The following ZNF584 variants were observed in gnomAD, a reference collection of about 807,000 sequenced individuals.
ZNF584 encodes the protein zinc finger protein 584.
In ZNF584, 12 loss-of-function variants were observed where a neutral mutation model predicts 14.7. The observed-to-expected ratio is 0.82, with a 90% CI of 0.52 to 1.32. The LOEUF is 1.32. Ranked by LOEUF, ZNF584 falls within the 40% of genes most tolerant of loss-of-function variation. ZNF584 has a pLI of 0.00. For synonymous variants in ZNF584, 204 were observed against 190.9 expected, an observed-to-expected ratio of 1.07 and a Z score of -0.57; for missense variants, 478 against 518.8, an observed-to-expected ratio of 0.92 and a Z score of 0.76.
chr19:58,408,344 T>C (rs1457321398), upstream of ZNF584: 1 of 152,178 alleles, frequency 6.6e-6, no homozygotes, highest in East Asian at 1.9e-4. Flanking sequence ...TCAGCAACAT[T>C]CACTGCGGCT....
Position 58,409,112 on chromosome 19 carries a change from G to T in ZNF584, c.-36G>T. 2 of 1,472,110 alleles carry T rather than the reference G, an allele frequency of 1.4e-6. No individual in the cohort carries two copies. Among genetic ancestry groups the T allele is most frequent in the Non-Finnish European group, 9.1e-7 (1 of 1,103,220 alleles). The allele number at this position is 1,472,110 out of a possible 1,614,324, so 91.2% of individuals were successfully genotyped here. A position where few individuals can be genotyped will look rare whatever the true frequency, so the allele number is the denominator to read the frequency against. Reference sequence around the variant, plus strand: ...CCCGGGACGCGTTTCGGCTGAGGCCGTGGGTCCAGTCCACGGGTTCTGCCC... The same window carrying T: ...CCCGGGACGCGTTTCGGCTGAGGCCTTGGGTCCAGTCCACGGGTTCTGCCC... On this transcript the variant is annotated 5_prime_UTR_variant, in exon 1 of 4. Transcript: ENST00000306910.
chr19:58,415,914 T>A (rs780486119), intron 3 of ZNF584: 6 of 1,598,844 alleles, frequency 3.8e-6, no homozygotes, highest in Non-Finnish European at 4.2e-6. Context: ...AGTGCGTGTC[T>A]TGAAATGTGC....
chr19:58,402,056 G>A (rs1466869974), intron 1 of ZNF584, among the ~76,000 whole-genome samples: 1 of 151,796 alleles, frequency 6.6e-6, no homozygotes, highest in Admixed American at 6.6e-5. Flanking sequence ...GCGACAGAGC[G>A]AGAGACTCCG....
At position 58,415,441 on chromosome 19, in the gene ZNF584, C is replaced by T. The variant is rs2052629045; in HGVS notation, c.170-83C>T. 2.6e-6 allele frequency: 4 copies of T among 1,518,788 alleles called. No homozygotes were observed. In the Admixed American group the frequency reaches 7.5e-5, roughly 28 times the overall value. The allele number at this position is 1,518,788 out of a possible 1,614,324, so 94.1% of individuals were successfully genotyped here. On this transcript the variant is annotated intron_variant, in intron 2 of 3. Coordinates refer to ENST00000306910, the MANE Select transcript of ZNF584 (RefSeq NM_173548.3). ...GCGAACGTCTGGGTTTAAGTGATCT[C>T]CTACCTCACTTTCCAAAGTGCTGGG...
intron 2 of ZNF584, among the ~76,000 whole-genome samples, chr19:58,410,547 A>ATATATG (rs2052539209): frequency 3.3e-5 from 1 of 30,610 alleles, no homozygotes; most frequent in African/African-American, 2.6e-4. Flanking sequence ...ATATATATAT[A>ATATATG]TATATATATA....
rs58896693 is a variant in ZNF584 at position 58,408,828 on chromosome 19, G to A, written c.-320G>A. On this transcript the variant is annotated 5_prime_UTR_variant, in exon 1 of 4. Transcript: ENST00000306910. Reference sequence around the variant, plus strand: ...CGCCTCAGGCAGCTCTGCGTGGGCCGGGGTGACTTCCTCGCGATCCCCTGC... The same window carrying A: ...CGCCTCAGGCAGCTCTGCGTGGGCCAGGGTGACTTCCTCGCGATCCCCTGC... The A allele has an allele frequency of 4.5e-3, 1,369 of 302,864 alleles. 26 individuals carry two copies. Among genetic ancestry groups the A allele is most frequent in the African/African-American group, 0.028 (1,289 of 46,454 alleles). The allele number at this position is 302,864 out of a possible 1,614,324, so 18.8% of individuals were successfully genotyped here. A position where few individuals can be genotyped will look rare whatever the true frequency, so the allele number is the denominator to read the frequency against.
chr19:58,406,536 T>C (rs1225900113), upstream of ZNF584: 1 of 152,142 alleles, frequency 6.6e-6, no homozygotes. Flanking sequence ...ATCAGGAACA[T>C]AGAAAAGTGG....
chr19:58,416,844 A>T lies in ZNF584; in HGVS notation c.326A>T (p.His109Leu), dbSNP rs147838166. 6.5e-5 allele frequency: 102 copies of T among 1,574,972 alleles called. No individual in the cohort carries two copies. In the African/African-American group the frequency reaches 1.3e-3, roughly 21 times the overall value. Residue 109 changes from histidine to leucine, a missense_variant, in exon 4 of 4, where the codon CAT (histidine) becomes CTT (leucine). Physicochemically the swap from His to Leu is moderately conservative, Grantham distance 99 (BLOSUM62 -3). Coordinates refer to ENST00000306910, the MANE Select transcript of ZNF584 (RefSeq NM_173548.3). ...GLCRVEDERAHPEHLKSYRVI... is the reference protein window; with the variant it reads ...GLCRVEDERALPEHLKSYRVI... ...TGTAGAGTGGAGGATGAGAGAGCCCATCCTGAGCATCTAAAGAGCTACAGA... is the reference window on the plus strand; with the variant it reads ...TGTAGAGTGGAGGATGAGAGAGCCCTTCCTGAGCATCTAAAGAGCTACAGA...
intron 2 of ZNF584, among the ~76,000 whole-genome samples, chr19:58,413,881 C>T (rs928598575): frequency 6.6e-6 from 1 of 151,810 alleles, no homozygotes; most frequent in African/African-American, 2.4e-5. Context: ...TGCAGTGGCA[C>T]TATCTCGGCT....
chr19:58,409,555 T>TGAGC (rs2052515033), intron 1 of ZNF584, among the ~76,000 whole-genome samples: 1 of 152,186 alleles, frequency 6.6e-6, no homozygotes, highest in Non-Finnish European at 1.5e-5. Flanking sequence ...GGGAGAAGGA[T>TGAGC]GAGCATAGGT....
At chr19:58,413,703 G>A (rs2052605165) in intron 2 of ZNF584, among the ~76,000 whole-genome samples, 1 of 151,014 alleles carries the variant, frequency 6.6e-6, no homozygotes, top group Admixed American at 6.6e-5. Context: ...GTTTCGCCAT[G>A]TTGGCCAGGC....
At chr19:58,411,903 A>G (rs185957299) in intron 2 of ZNF584, among the ~76,000 whole-genome samples, 4 of 151,286 alleles carry the variant, frequency 2.6e-5, no homozygotes, top group East Asian at 2.0e-4. Flanking sequence ...CGGCCTCCCA[A>G]CACTAATTGT....
At chr19:58,414,938 G>A (rs1380283235) in intron 2 of ZNF584, among the ~76,000 whole-genome samples, 2 of 151,948 alleles carry the variant, frequency 1.3e-5, no homozygotes, top group African/African-American at 4.8e-5. Context: ...TGTCGCCCAG[G>A]CTGGAGTGCA....
intron 1 of ZNF584, among the ~76,000 whole-genome samples, chr19:58,409,609 A>T (rs985978644): frequency 3.3e-5 from 5 of 152,260 alleles, no homozygotes; most frequent in African/African-American, 9.6e-5. Context: ...TGGAATTGGC[A>T]GGCAGGAGAT....
In ZNF584 at chr19:58,418,240, A is replaced by G. The variant is rs2052671703; in HGVS notation, c.*456A>G. ...TTCATGGAAATGGTTGACATTACAC[A>G]TGGTATTTGTCATGCCCTAGCATGG... On this transcript the variant is annotated 3_prime_UTR_variant, in exon 4 of 4. Coordinates refer to ENST00000306910, the MANE Select transcript of ZNF584 (RefSeq NM_173548.3). 1.0e-5 allele frequency: 2 copies of G among 196,536 alleles called. No individual in the cohort carries two copies. The highest frequency in any genetic ancestry group is 1.0e-4 in the Admixed American group (2 of 19,094). 12.2% of individuals were successfully genotyped at this position (196,536 alleles called of 1,614,324 possible).
chr19:58,401,578 T>C (rs1227855068), exon 1 of ZNF584: 3 of 152,122 alleles, frequency 2.0e-5, no homozygotes, highest in East Asian at 1.9e-4. Flanking sequence ...AGCACTCCGA[T>C]GGCGCTGGCG....
chr19:58,415,781 G>A, intron 3 of ZNF584, 135 bp downstream of exon 3: 1 of 1,610,860 alleles, frequency 6.2e-7, no homozygotes, highest in Non-Finnish European at 8.5e-7. Context: ...GTCTTATGTG[G>A]ACACTGTGCA....
chr19:58,413,324 G>T (rs1200923156), intron 2 of ZNF584, among the ~76,000 whole-genome samples: 4 of 151,392 alleles, frequency 2.6e-5, no homozygotes, highest in African/African-American at 7.3e-5. Flanking sequence ...GTTTGTTGTG[G>T]TATTTTTTTC....
chr19:58,417,539 C>G lies in ZNF584; in HGVS notation c.1021C>G (p.Leu341Val). The G allele has an allele frequency of 6.2e-7, 1 of 1,614,202 alleles. No individual in the cohort carries two copies. The highest frequency in any genetic ancestry group is 8.5e-7 in the Non-Finnish European group (1 of 1,180,032). Residue 341 changes from leucine (L) to valine (V), a missense_variant, in exon 4 of 4, where the codon CTC becomes GTC. Coordinates refer to ENST00000306910, the MANE Select transcript of ZNF584 (RefSeq NM_173548.3). The part of the protein sequence containing the change: ...CGKGYVTRSG[L>V]YQHWKVHTGE... ...GAAAGGCTACGTGACCCGTTCAGGC[C>G]TCTATCAGCACTGGAAAGTCCACAC...
Sources: gnomAD v4.1 joint callset for allele counts (sites outside exome capture counted in the v4.1 genomes callset) on GRCh38, gnomAD v4.1.1 for gene constraint, MANE v1.5 for transcripts, NCBI Gene and HGNC (gene_info 2026-07-23, HGNC 2026-07-21) for gene names.